CADM2: variants seen among roughly 807,000 people sequenced by gnomAD.
The protein encoded by CADM2 is cell adhesion molecule 2.
Under a neutral mutation model 49.8 loss-of-function variants are expected in CADM2, and 12 were observed. The ratio of observed to expected loss-of-function variants is 0.24; its 90% CI spans 0.15 to 0.39. The LOEUF (loss-of-function observed/expected upper bound fraction) is 0.39. Ranked by LOEUF, CADM2 falls within the 10% of genes least tolerant of loss-of-function variation. The pLI, the probability that CADM2 is intolerant of heterozygous loss-of-function variation, is 1.00. For synonymous variants in CADM2, 214 were observed against 175.4 expected, an observed-to-expected ratio of 1.22 and a Z score of -1.74; for missense variants, 378 against 492.3, an observed-to-expected ratio of 0.77 and a Z score of 2.20.
At chr3:84,987,642 T>C (rs1024165807) in intron 1 of CADM2, among the ~76,000 whole-genome samples, 5 of 152,174 alleles carry the variant, frequency 3.3e-5, no homozygotes, top group Non-Finnish European at 5.9e-5. Flanking sequence ...TGAACTGAAT[T>C]AAAACTAGCT....
At chr3:85,473,109 GA>G (rs2038836772) in intron 1 of CADM2, among the ~76,000 whole-genome samples, 1 of 151,888 alleles carries the variant, frequency 6.6e-6, no homozygotes, top group Non-Finnish European at 1.5e-5. Context: ...TTATTTCGTT[GA>G]ATTTAAATTG....
At chr3:85,643,169 A>G (rs1445424178) in intron 1 of CADM2, among the ~76,000 whole-genome samples, 1 of 152,146 alleles carries the variant, frequency 6.6e-6, no homozygotes, top group Non-Finnish European at 1.5e-5. Flanking sequence ...GTGATTTTGA[A>G]TTGTACCATG....
At chr3:85,024,606 A>T (rs556252211) in intron 1 of CADM2, among the ~76,000 whole-genome samples, 2 of 152,124 alleles carry the variant, frequency 1.3e-5, no homozygotes, top group South Asian at 4.1e-4. Context: ...AAAATTATTT[A>T]TGAGATGTTA....
chr3:85,494,160 C>G (rs2039789352), intron 1 of CADM2, among the ~76,000 whole-genome samples: 2 of 151,998 alleles, frequency 1.3e-5, no homozygotes, highest in African/African-American at 4.8e-5. Context: ...ATGTAGTATT[C>G]ATTTTTGTAA....
At chr3:85,944,472 C>A (rs537315694) in intron 7 of CADM2, among the ~76,000 whole-genome samples, 116 of 152,086 alleles carry the variant, frequency 7.6e-4, no homozygotes, top group Middle Eastern at 6.8e-3. Context: ...AATATATATT[C>A]TTTTCAGCAC....
chr3:85,399,464 T>C (rs2034977236), intron 1 of CADM2, among the ~76,000 whole-genome samples: 1 of 152,208 alleles, frequency 6.6e-6, no homozygotes, highest in Admixed American at 6.5e-5. Context: ...ATGCGGGCTC[T>C]TTTTTGGTTC....
intron 1 of CADM2, among the ~76,000 whole-genome samples, chr3:85,379,639 C>A (rs9869247): frequency 0.097 from 14,685 of 151,974 alleles, 2,363 homozygotes; most frequent in African/African-American, 0.33. Context: ...AAGAGAATAG[C>A]CTTCAGTAAT....
chr3:85,604,204 CTT>C (rs1314034927), intron 1 of CADM2, among the ~76,000 whole-genome samples: 3 of 151,782 alleles, frequency 2.0e-5, no homozygotes, highest in Middle Eastern at 3.4e-3. Context: ...TTTATTTAAT[CTT>C]AATGCTTACA....
intron 1 of CADM2, among the ~76,000 whole-genome samples, chr3:85,594,666 A>G (rs554682275): frequency 2.0e-5 from 3 of 152,010 alleles, no homozygotes; most frequent in African/African-American, 7.2e-5. Context: ...ACAGAAATGC[A>G]AAAAGACAGA....
intron 1 of CADM2, among the ~76,000 whole-genome samples, chr3:85,661,954 CTCTT>C (rs2065422071): frequency 6.6e-6 from 1 of 151,942 alleles, no homozygotes; most frequent in Non-Finnish European, 1.5e-5. Flanking sequence ...TTATTATTCT[CTCTT>C]AGAGTTAAAC....
chr3:85,456,293 A>G (rs558036443), intron 1 of CADM2, among the ~76,000 whole-genome samples: 142 of 152,332 alleles, frequency 9.3e-4, no homozygotes, highest in African/African-American at 3.3e-3. Flanking sequence ...CCATTCCTAG[A>G]CAATGTCTGA....
At chr3:85,981,296 A>G (rs1727454612) in intron 8 of CADM2, among the ~76,000 whole-genome samples, 1 of 151,506 alleles carries the variant, frequency 6.6e-6, no homozygotes, top group African/African-American at 2.4e-5. Context: ...AACTAACAAC[A>G]TTCTTTTACA....
chr3:85,087,047 A>C (rs1394803793), intron 1 of CADM2, among the ~76,000 whole-genome samples: 2 of 152,198 alleles, frequency 1.3e-5, no homozygotes. Flanking sequence ...TTGTACACAT[A>C]AAACATAAAG....
intron 1 of CADM2, among the ~76,000 whole-genome samples, chr3:85,343,789 G>A (rs539932370): frequency 1.3e-5 from 2 of 152,296 alleles, no homozygotes; most frequent in Admixed American, 6.5e-5. Flanking sequence ...GGCTGGAGCC[G>A]AACTTTCACA....
intron 2 of CADM2, among the ~76,000 whole-genome samples, chr3:85,776,452 T>C (rs1345765282): frequency 1.3e-5 from 2 of 151,994 alleles, no homozygotes; most frequent in Non-Finnish European, 2.9e-5. Context: ...TCATTTTTAA[T>C]ATTATTTAAA....
rs541558168 is a variant in CADM2 at position 84,969,583 on chromosome 3, T to C, written c.61+9915T>C. On this transcript the variant is annotated intron_variant, in intron 1 of 9. Coordinates refer to ENST00000383699, the MANE Select transcript of CADM2 (RefSeq NM_001167675.2). ...ATTTAATCTTGACACAACTCTTTAATTGGATCTAGATAATATTTAAGTATT... is the reference window on the plus strand; with the variant it reads ...ATTTAATCTTGACACAACTCTTTAACTGGATCTAGATAATATTTAAGTATT... Among the ~76,000 whole-genome samples the C allele has an allele frequency of 5.9e-5, 9 of 152,002 alleles. No individual in the cohort carries two copies. The South Asian group carries it at 1.2e-3, about 21-fold the overall frequency.
chr3:85,189,884 C>G (rs1313058091), intron 1 of CADM2, among the ~76,000 whole-genome samples: 1 of 95,234 alleles, frequency 1.1e-5, no homozygotes, highest in Non-Finnish European at 1.9e-5. Flanking sequence ...GAGATATTAT[C>G]AGTATCAGTT....
chr3:85,506,847 GTAAAATTATCATT>G (rs2040376400), intron 1 of CADM2, among the ~76,000 whole-genome samples: 1 of 152,032 alleles, frequency 6.6e-6, no homozygotes, highest in Non-Finnish European at 1.5e-5. Context: ...TTTATTAAAA[GTAAAATTATCATT>G]ATAGAATTAA....
intron 1 of CADM2, among the ~76,000 whole-genome samples, chr3:85,025,616 G>A (rs2107306456): frequency 6.6e-6 from 1 of 152,186 alleles, no homozygotes; most frequent in South Asian, 2.1e-4. Flanking sequence ...TTGAACAATG[G>A]AGTCAATAAT....
Sources: gnomAD v4.1 joint callset for allele counts (sites outside exome capture counted in the v4.1 genomes callset) on GRCh38, gnomAD v4.1.1 for gene constraint, MANE v1.5 for transcripts, NCBI Gene and HGNC (gene_info 2026-07-23, HGNC 2026-07-21) for gene names.